Variants in RAI14 observed in about 807,000 individuals in gnomAD.
RAI14 encodes the protein retinoic acid induced 14.
Under a neutral mutation model 115.4 loss-of-function variants are expected in RAI14, and 45 were observed. The ratio of observed to expected loss-of-function variants is 0.39; its 90% CI spans 0.31 to 0.50. The LOEUF (loss-of-function observed/expected upper bound fraction) is 0.50, where lower values mean the gene tolerates loss of function less well. Ranked by LOEUF, RAI14 falls within the 20% of genes least tolerant of loss-of-function variation. The pLI, the probability that RAI14 is intolerant of heterozygous loss-of-function variation, is 0.85. For missense variants in RAI14, 939 were observed against 1,131.2 expected (o/e 0.83, Z 2.44); for synonymous variants, 371 against 415.4 (o/e 0.89, Z 1.30).
chr5:34,704,906 T>G lies in RAI14; in HGVS notation c.36+17951T>G, dbSNP rs141986546. ...TCCACTCTTCTAGTCACTAGCTACA[T>G]GTGTCTGTCTAGCATGTAAAATATG... On this transcript the variant is annotated intron_variant, in intron 2 of 17. Transcript: ENST00000265109. 3.3e-3 allele frequency among the ~76,000 whole-genome samples: 501 copies of G among 152,324 alleles called. 2 individuals carry two copies. Among genetic ancestry groups the G allele is most frequent in the African/African-American group, 0.012 (482 of 41,572 alleles).
At chr5:34,761,756 T>C (rs1190608220) in intron 3 of RAI14, among the ~76,000 whole-genome samples, 2 of 152,194 alleles carry the variant, frequency 1.3e-5, no homozygotes, top group Non-Finnish European at 2.9e-5. Flanking sequence ...CTCTTTGAAA[T>C]ACTAGAAATC....
intron 2 of RAI14, among the ~76,000 whole-genome samples, chr5:34,752,753 A>ATG (rs1747273766): frequency 8.2e-6 from 1 of 121,700 alleles, no homozygotes; most frequent in African/African-American, 3.2e-5. Context: ...GTGTGTGTAT[A>ATG]TATATATATA....
chr5:34,778,235 T>G (rs1370172336), intron 3 of RAI14, among the ~76,000 whole-genome samples: 1 of 152,240 alleles, frequency 6.6e-6, no homozygotes, highest in Non-Finnish European at 1.5e-5. Context: ...AACTTGGATG[T>G]GTACATGGAA....
chr5:34,734,248 G>C (rs76152592), intron 2 of RAI14, among the ~76,000 whole-genome samples: 3,948 of 152,300 alleles, frequency 0.026, 166 homozygotes, highest in African/African-American at 0.09. Flanking sequence ...CAGTGAACTG[G>C]GGGGGCTGGG....
chr5:34,744,706 G>A (rs946234273), intron 2 of RAI14, among the ~76,000 whole-genome samples: 3 of 152,216 alleles, frequency 2.0e-5, no homozygotes, highest in African/African-American at 4.8e-5. Context: ...TCAGTAACAT[G>A]AGGATAACAA....
intron 2 of RAI14, chr5:34,728,590 A>G (rs1304716967): frequency 6.6e-6 from 1 of 152,094 alleles, no homozygotes; most frequent in Non-Finnish European, 1.5e-5. Flanking sequence ...GCCTGCTACC[A>G]TGTGAGATGT....
rs1308350382 is a variant in RAI14 at position 34,695,954 on chromosome 5, A to T, written c.36+8999A>T. ...TGCCCTGGCCTCCCAAATAGCTAGG[A>T]CTACAGGCACATAACACCATGCCTG... On this transcript the variant is annotated intron_variant, in intron 2 of 17. Coordinates refer to ENST00000265109, the MANE Select transcript of RAI14 (RefSeq NM_015577.3). Among the ~76,000 whole-genome samples, 6 of 152,148 alleles carry T rather than the reference A, an allele frequency of 3.9e-5. No individual in the cohort carries two copies. The East Asian group carries it at 1.2e-3, about 30-fold the overall frequency.
chr5:34,821,500 A>G (rs1284034467), intron 13 of RAI14, among the ~76,000 whole-genome samples: 1 of 152,102 alleles, frequency 6.6e-6, no homozygotes, highest in Admixed American at 6.6e-5. Flanking sequence ...CAATTTTCAG[A>G]TTGCCTTGTG....
At chr5:34,776,338 G>T (rs187725230) in intron 3 of RAI14, among the ~76,000 whole-genome samples, 8 of 152,254 alleles carry the variant, frequency 5.3e-5, no homozygotes. Context: ...GAATAAATAA[G>T]ATCTCGTATT....
intron 3 of RAI14, 54 bp downstream of exon 3, chr5:34,757,652 C>T (rs1332550151): frequency 1.1e-5 from 17 of 1,545,678 alleles, no homozygotes; most frequent in Non-Finnish European, 1.5e-5. Context: ...TTGGGGTGTT[C>T]TCTGGAATCC....
At chr5:34,680,655 C>A (rs1744321326) in intron 1 of RAI14, among the ~76,000 whole-genome samples, 1 of 152,146 alleles carries the variant, frequency 6.6e-6, no homozygotes, top group Non-Finnish European at 1.5e-5. Context: ...AAGGAGTCCC[C>A]TATCTTGTGA....
At chr5:34,735,936 C>T (rs116812688) in intron 2 of RAI14, among the ~76,000 whole-genome samples, 4 of 152,308 alleles carry the variant, frequency 2.6e-5, no homozygotes, top group Non-Finnish European at 5.9e-5. Context: ...GTGCAGAATA[C>T]GTGATACAAG....
At chr5:34,686,999 A>T (rs770059509) in intron 2 of RAI14, 44 bp downstream of exon 2, 3 of 1,609,132 alleles carry the variant, frequency 1.9e-6, no homozygotes, top group Non-Finnish European at 2.6e-6. Flanking sequence ...CTTCTTCTCC[A>T]TGGAGCTGCA....
rs1416355898 is a variant in RAI14, at chr5:34,823,775, G to A, written c.1933G>A (p.Val645Met). 1 of 1,614,200 alleles carries A rather than the reference G, an allele frequency of 6.2e-7. No individual in the cohort carries two copies. Among genetic ancestry groups the A allele is most frequent in the Non-Finnish European group, 8.5e-7 (1 of 1,180,030 alleles). ...GATGATAGATGAACTCAATAAACAG[G>A]TGAGCGAGCTGTCACAGCTGTACAA... ...NRMIDELNKQ[V>M]SELSQLYKEA... Residue 645 changes from valine to methionine, a missense_variant, in exon 15 of 18, where the codon GTG (valine) becomes ATG (methionine). Transcript: ENST00000265109. The surrounding 1 kb of genome is among the most constrained non-coding windows in gnomAD (Gnocchi z 4.5).
chr5:34,757,323 G>C, intron 2 of RAI14, 145 bp from the exon 3 acceptor site: 2 of 912,716 alleles, frequency 2.2e-6, no homozygotes, highest in Admixed American at 3.6e-5. Flanking sequence ...TGGTGAAGGG[G>C]AAGGTATTTT....
At chr5:34,732,296 A>G (rs1048822423) in intron 2 of RAI14, among the ~76,000 whole-genome samples, 3 of 152,186 alleles carry the variant, frequency 2.0e-5, no homozygotes, top group African/African-American at 4.8e-5. Flanking sequence ...AATGTGGCCC[A>G]TGGACTCGAC....
Position 34,826,724 on chromosome 5 carries a change from G to C in RAI14, c.2799+245G>C, listed in dbSNP as rs1280743490. On this transcript the variant is annotated intron_variant, in intron 16 of 17. Coordinates refer to ENST00000265109, the MANE Select transcript of RAI14 (RefSeq NM_015577.3). ...TGGGAAGGAAAGAACCGACAGGACA[G>C]TAGGAGGAGGCTATGTGCTCACTCA... is the stretch of plus-strand genomic sequence containing the variant. Among the ~76,000 whole-genome samples the C allele has an allele frequency of 2.0e-5, 3 of 152,240 alleles. 1 individual carries two copies. The highest frequency in any genetic ancestry group is 1.3e-4 in the Admixed American group (2 of 15,290).
intron 1 of RAI14, among the ~76,000 whole-genome samples, chr5:34,677,485 C>T (rs1228840806): frequency 1.3e-5 from 2 of 150,832 alleles, no homozygotes; most frequent in African/African-American, 2.4e-5. Context: ...CTCACTCTGT[C>T]TCCCAGGCTG....
At position 34,811,834 on chromosome 5, in the gene RAI14, G is replaced by T. The variant is rs759126313; in HGVS notation, c.625G>T (p.Ala209Ser). Residue 209 changes from alanine (A) to serine (S), a missense_variant, in exon 9 of 18, where the codon GCA becomes TCA. By Grantham distance (99) the Ala-to-Ser change is moderately conservative. Transcript: ENST00000265109. Reference protein sequence around the residue: ...NAVEALIKKGADLNLVDSLGY... With the variant: ...NAVEALIKKGSDLNLVDSLGY... ...TGTGGAAGCCTTAATTAAAAAGGGTGCAGACCTAAACCTTGTAGATTCTCT... is the reference window on the plus strand; with the variant it reads ...TGTGGAAGCCTTAATTAAAAAGGGTTCAGACCTAAACCTTGTAGATTCTCT... 1.2e-6 allele frequency: 2 copies of T among 1,613,102 alleles called. No homozygotes were observed. The highest frequency in any genetic ancestry group is 1.7e-6 in the Non-Finnish European group (2 of 1,179,468).
Sources: allele counts gnomAD v4.1 joint callset (sites outside exome capture counted in the v4.1 genomes callset), GRCh38; gene constraint gnomAD v4.1.1; non-coding constraint Gnocchi (gnomAD v3.1); transcripts MANE v1.5; gene names NCBI Gene and HGNC (gene_info 2026-07-23, HGNC 2026-07-21).